DCDC1: variants seen among roughly 807,000 people sequenced by gnomAD.
DCDC1 encodes doublecortin domain containing 1.
Under a neutral mutation model 178.3 loss-of-function variants are expected in DCDC1, and 200 were observed. The observed-to-expected ratio is 1.12, with a 90% confidence interval of 1.00 to 1.26. DCDC1 has a LOEUF of 1.26. Ranked by LOEUF, DCDC1 falls within the 50% of genes most tolerant of loss-of-function variation. The pLI is 0.00. For missense variants in DCDC1, 1,983 were observed against 1,749.2 expected, an observed-to-expected ratio of 1.13 and a Z score of -2.38; for synonymous variants, 690 against 604.8, an observed-to-expected ratio of 1.14 and a Z score of -2.07.
Position 31,280,811 on chromosome 11 carries a change from G to T in DCDC1, c.960+9836C>A, listed in dbSNP as rs192792506. On this transcript the variant is annotated intron_variant, in intron 7 of 38. Coordinates refer to ENST00000684477, the MANE Select transcript of DCDC1 (RefSeq NM_001387274.1). The stretch of plus-strand genomic sequence containing the variant: ...CTCCATCAGTGTATCCTCTCCCCAG[G>T]TGATGCCTTTGTTCTTATTGGCATC... 16 of 618,266 alleles carry T rather than the reference G, an allele frequency of 2.6e-5. No homozygotes were observed. In the East Asian group the frequency reaches 5.8e-4, roughly 23 times the overall value. 38.3% of individuals were successfully genotyped at this position (618,266 alleles called of 1,614,324 possible).
Position 31,069,784 on chromosome 11 carries a change from T to A in DCDC1, c.2299-4631A>T, listed in dbSNP as rs143811180. On this transcript the variant is annotated intron_variant, in intron 18 of 38. Coordinates refer to ENST00000684477, the MANE Select transcript of DCDC1 (RefSeq NM_001387274.1). ...TATGTAAGTTCATTTCTGAGGTACA[T>A]TCCCCTAATACTAGAAAGAAGATGT... Among the ~76,000 whole-genome samples the A allele has an allele frequency of 3.8e-3, 584 of 152,298 alleles. 4 individuals carry two copies. Among genetic ancestry groups the A allele is most frequent in the Non-Finnish European group, 7.0e-3 (477 of 68,022 alleles).
chr11:31,262,715 C>CCATCCA (rs1944877303), intron 8 of DCDC1: 1 of 205,570 alleles, frequency 4.9e-6, no homozygotes, highest in Non-Finnish European at 9.6e-6. Context: ...GTTCAGAAAA[C>CCATCCA]CATCCAACAC....
In DCDC1 at chr11:30,999,179, T is replaced by C. The variant is rs568183865; in HGVS notation, c.2592-46611A>G. 2.0e-5 allele frequency among the ~76,000 whole-genome samples: 3 copies of C among 152,330 alleles called. No individual in the cohort carries two copies. The South Asian group carries it at 6.2e-4, about 32-fold the overall frequency. On this transcript the variant is annotated intron_variant, in intron 20 of 38. Transcript: ENST00000684477. ...GACACAACTACTGAAGGCAGTGTGG[T>C]ATCCTGGATTAAACCTGGGAAAAGA...
chr11:31,076,566 C>T (rs1463515470), intron 18 of DCDC1, among the ~76,000 whole-genome samples: 1 of 152,058 alleles, frequency 6.6e-6, no homozygotes, highest in Non-Finnish European at 1.5e-5. Flanking sequence ...ATGCTGGCCT[C>T]AAACTCCTGG....
At chr11:30,949,061 A>G (rs1221382973) in intron 21 of DCDC1, among the ~76,000 whole-genome samples, 1 of 152,230 alleles carries the variant, frequency 6.6e-6, no homozygotes, top group Non-Finnish European at 1.5e-5. Context: ...ATCAGAGTGA[A>G]AAGGCAACCT....
At chr11:31,086,906 G>C (rs1957514542) in intron 17 of DCDC1, among the ~76,000 whole-genome samples, 1 of 152,130 alleles carries the variant, frequency 6.6e-6, no homozygotes. Context: ...CCTAGAATCA[G>C]ATGGGAAGTA....
chr11:30,992,806 CCTGA>C (rs1269427017), intron 20 of DCDC1: 2 of 152,050 alleles, frequency 1.3e-5, no homozygotes, highest in Non-Finnish European at 2.9e-5. Context: ...GTTACTACTT[CCTGA>C]CTGTCAATAT....
chr11:31,038,793 C>T (rs549550426), intron 20 of DCDC1, among the ~76,000 whole-genome samples: 3 of 151,782 alleles, frequency 2.0e-5, no homozygotes, highest in African/African-American at 7.2e-5. Context: ...CAGGACAGTT[C>T]TCCTGGGGAA....
intron 20 of DCDC1, among the ~76,000 whole-genome samples, chr11:31,063,819 CA>C (rs1956100682): frequency 6.6e-6 from 1 of 152,048 alleles, no homozygotes; most frequent in Admixed American, 6.6e-5. Flanking sequence ...TTTCAGTCAA[CA>C]GTAATTTCAA....
intron 21 of DCDC1, among the ~76,000 whole-genome samples, chr11:30,939,906 T>C (rs1339179291): frequency 6.6e-6 from 1 of 152,226 alleles, no homozygotes; most frequent in Non-Finnish European, 1.5e-5. Flanking sequence ...ATTATTTCTG[T>C]GTGGAAATTT....
rs997396599 is a variant in DCDC1, at chr11:31,064,730, A to G, written c.2434-104T>C. On this transcript the variant is annotated intron_variant, in intron 19 of 38. Coordinates refer to ENST00000684477, the MANE Select transcript of DCDC1 (RefSeq NM_001387274.1). ...ACACTGCAGTTTTCATGGTGCCTTC[A>G]GTGTTTCTACAACACATAAGTCCTT... is the stretch of plus-strand genomic sequence containing the variant. 16 of 664,494 alleles carry G rather than the reference A, an allele frequency of 2.4e-5. No homozygotes were observed. The Admixed American group carries it at 3.1e-4, about 13-fold the overall frequency. 41.2% of individuals were successfully genotyped at this position (664,494 alleles called of 1,614,324 possible). A position where few individuals can be genotyped will look rare whatever the true frequency, so the allele number is the denominator to read the frequency against.
Position 31,174,217 on chromosome 11 carries a change from G to C in DCDC1, c.1222-36433C>G, listed in dbSNP as rs112952285. Among the ~76,000 whole-genome samples the C allele has an allele frequency of 2.2e-3, 338 of 152,324 alleles. 3 individuals are homozygous for C. The highest frequency in any genetic ancestry group is 7.7e-3 in the African/African-American group (319 of 41,576). ...TCTGCACTGTCAGAGGCCTGGGAAG[G>C]CCCTACCAAGCCCCTGCAGGCTTGG... On this transcript the variant is annotated intron_variant, in intron 9 of 38. Transcript: ENST00000684477.
chr11:31,006,618 T>C (rs1337415875), intron 20 of DCDC1, among the ~76,000 whole-genome samples: 1 of 152,210 alleles, frequency 6.6e-6, no homozygotes, highest in Non-Finnish European at 1.5e-5. Context: ...AAGAGAATAA[T>C]ATCTATCTCA....
chr11:30,884,373 T>C (rs1942981641), intron 36 of DCDC1, among the ~76,000 whole-genome samples: 7 of 151,832 alleles, frequency 4.6e-5, no homozygotes. Context: ...TTTTCCTCTC[T>C]TTTTTTTGTT....
chr11:31,287,331 C>T (rs1196203237), intron 7 of DCDC1, among the ~76,000 whole-genome samples: 1 of 151,494 alleles, frequency 6.6e-6, no homozygotes, highest in Non-Finnish European at 1.5e-5. Context: ...GCAAATCTCC[C>T]AGATAAGAAA....
At chr11:31,096,121 A>T (rs1055068432) in intron 15 of DCDC1, among the ~76,000 whole-genome samples, 8 of 152,194 alleles carry the variant, frequency 5.3e-5, no homozygotes, top group Admixed American at 2.0e-4. Flanking sequence ...TGTGGTAATT[A>T]TTCTGTAATG....
intron 20 of DCDC1, among the ~76,000 whole-genome samples, chr11:31,003,234 G>A (rs1347259719): frequency 6.6e-6 from 1 of 151,992 alleles, no homozygotes; most frequent in Non-Finnish European, 1.5e-5. Context: ...AAATTCACAA[G>A]CTGCCACGAA....
chr11:31,268,116 T>C (rs900176744), intron 7 of DCDC1, among the ~76,000 whole-genome samples: 1 of 152,178 alleles, frequency 6.6e-6, no homozygotes, highest in African/African-American at 2.4e-5. Context: ...TCATGTTCAG[T>C]TCTCAATTTC....
At chr11:31,210,536 C>A (rs1374485277) in intron 9 of DCDC1, among the ~76,000 whole-genome samples, 1 of 151,890 alleles carries the variant, frequency 6.6e-6, no homozygotes, top group African/African-American at 2.4e-5. Flanking sequence ...TGCGGTGAAA[C>A]CCCGTTTCTA....
Sources: allele counts gnomAD v4.1 joint callset (sites outside exome capture counted in the v4.1 genomes callset), GRCh38; gene constraint gnomAD v4.1.1; transcripts MANE v1.5; gene names NCBI Gene and HGNC (gene_info 2026-07-23, HGNC 2026-07-21).